PIWIL3: variants seen among roughly 807,000 people sequenced by gnomAD.
PIWIL3 encodes the protein piwi-like protein 3.
In PIWIL3, 101 loss-of-function variants were observed where a neutral mutation model predicts 109.7. The observed-to-expected ratio is 0.92, with a 90% CI of 0.78 to 1.09. PIWIL3 has a LOEUF of 1.09. Among genes scored for constraint, PIWIL3 ranks in the 50% least tolerant of loss-of-function variants. The probability of loss-of-function intolerance (pLI) is 0.00; values close to 1 mark genes in which losing one functional copy is unlikely to be tolerated. For synonymous variants in PIWIL3, 373 were observed against 376.4 expected, an observed-to-expected ratio of 0.99 and a Z score of 0.10; for missense variants, 1,031 against 1,072.6, an observed-to-expected ratio of 0.96 and a Z score of 0.54.
At chr22:24,736,927 C>T (rs1255120342) in intron 12 of PIWIL3, among the ~76,000 whole-genome samples, 3 of 152,202 alleles carry the variant, frequency 2.0e-5, no homozygotes, top group Admixed American at 6.5e-5. Flanking sequence ...GGTCAGAGCT[C>T]GAGTTCTGGA....
intron 3 of PIWIL3, among the ~76,000 whole-genome samples, chr22:24,759,327 C>T (rs1462252084): frequency 2.0e-5 from 3 of 152,128 alleles, no homozygotes; most frequent in Non-Finnish European, 2.9e-5. Context: ...ATCTATAATA[C>T]AATTCTTTTT....
chr22:24,756,218 G>A (rs537330806), intron 5 of PIWIL3, among the ~76,000 whole-genome samples: 1 of 146,910 alleles, frequency 6.8e-6, no homozygotes, highest in African/African-American at 2.5e-5. Flanking sequence ...AGTTTCAAAG[G>A]AAACAAATAG....
At position 24,723,370 on chromosome 22, in the gene PIWIL3, C is replaced by T. The variant is rs74457851; in HGVS notation, c.2232-115G>A. The stretch of plus-strand genomic sequence containing the variant: ...ACCCATTAAGAAGAACAGACAGCAG[C>T]CCTCCTTACACCCTAATTTTACTGT... On this transcript the variant is annotated intron_variant, in intron 18 of 20. Coordinates refer to ENST00000616349, the MANE Select transcript of PIWIL3 (RefSeq NM_001255975.1). 1,503 of 1,061,946 alleles carry T rather than the reference C, an allele frequency of 1.4e-3. 11 individuals carry two copies. The African/African-American group carries it at 0.018, about 13-fold the overall frequency. The allele number at this position is 1,061,946 out of a possible 1,614,324, so 65.8% of individuals were successfully genotyped here.
At chr22:24,758,855 A>T (rs147741155) in intron 3 of PIWIL3, among the ~76,000 whole-genome samples, 67 of 152,348 alleles carry the variant, frequency 4.4e-4, no homozygotes, top group African/African-American at 1.6e-3. Context: ...AGCAAAAGAA[A>T]ACAGGTATCC....
Position 24,729,002 on chromosome 22 carries a change from C to T in PIWIL3, c.1708-628G>A, listed in dbSNP as rs79679367. 1.5e-3 allele frequency among the ~76,000 whole-genome samples: 227 copies of T among 152,214 alleles called. 5 individuals carry two copies. In the South Asian group the frequency reaches 0.03, roughly 20 times the overall value. Reference sequence around the variant, plus strand: ...CAGCTGCACAGATAAGGGAGCAAGGCCTAACGCAGAAATGCTTTTGTTCTT... The same window carrying T: ...CAGCTGCACAGATAAGGGAGCAAGGTCTAACGCAGAAATGCTTTTGTTCTT... On this transcript the variant is annotated intron_variant, in intron 14 of 20. Transcript: ENST00000616349.
At chr22:24,722,276 G>A (rs1922718953) in intron 19 of PIWIL3, among the ~76,000 whole-genome samples, 1 of 152,060 alleles carries the variant, frequency 6.6e-6, no homozygotes, top group South Asian at 2.1e-4. Context: ...TGGAGACGAG[G>A]TTTCACTGTG....
intron 9 of PIWIL3, among the ~76,000 whole-genome samples, chr22:24,751,110 C>T (rs1318644639): frequency 6.7e-6 from 1 of 150,124 alleles, no homozygotes; most frequent in Non-Finnish European, 1.5e-5. Context: ...GGAGACGGAA[C>T]GAGACTCCAA....
At chr22:24,773,186 G>A (rs1926222838) in intron 1 of PIWIL3, among the ~76,000 whole-genome samples, 1 of 152,090 alleles carries the variant, frequency 6.6e-6, no homozygotes, top group African/African-American at 2.4e-5. Context: ...GGATCCTAGG[G>A]TTTCTGGCTC....
At position 24,761,370 on chromosome 22, in the gene PIWIL3, C is replaced by A. The variant is rs146284112; in HGVS notation, c.102+1028G>T. ...TGAAGGAGGTAACCTAAACGCCAAG[C>A]GGAGGGAGTTGACAGGAGAAAAGAG... On this transcript the variant is annotated intron_variant, in intron 2 of 20. Transcript: ENST00000616349. Among the ~76,000 whole-genome samples, 58 of 152,104 alleles carry A rather than the reference C, an allele frequency of 3.8e-4. No homozygotes were observed. In the East Asian group the frequency reaches 0.011, roughly 29 times the overall value.
rs1420758390 is a variant in PIWIL3 at position 24,735,727 on chromosome 22, T to C, written c.1615A>G (p.Thr539Ala). 6.2e-7 allele frequency: 1 copy of C among 1,600,882 alleles called. No homozygotes were observed. Among genetic ancestry groups the C allele is most frequent in the African/African-American group, 1.3e-5 (1 of 74,274 alleles). The change falls in exon 13 of 21, where the codon ACT becomes GCT. Residue 539 changes from threonine to alanine, a missense_variant. By Grantham distance (58) the Thr-to-Ala change is moderately conservative (BLOSUM62 0). Transcript: ENST00000616349. ...LQSVTAPMGI[T>A]MKPAEMIEVD... ...ACTTACATTTCTGCTGGTTTCATAG[T>C]TATGCCCATGGGGGCTGTGACACTC...
rs773440930 is a variant in PIWIL3, at chr22:24,724,954, G to A, written c.2164C>T (p.Leu722Phe). The A allele has an allele frequency of 6.2e-7, 1 of 1,614,154 alleles. No individual in the cohort carries two copies. Among genetic ancestry groups the A allele is most frequent in the South Asian group, 1.1e-5 (1 of 91,086 alleles). Residue 722 changes from leucine (L) to phenylalanine (F), a missense_variant, in exon 18 of 21, where the codon CTT becomes TTT. Physicochemically the swap from Leu to Phe is conservative, Grantham distance 22 (BLOSUM62 0). Transcript: ENST00000616349. The part of the protein sequence containing the change: ...VYRDGVGDGQ[L>F]QALLDHEAKK... ...GCTTCATGGTCAAGCAATGCTTGAAGCTGACCATCTCCCACTCCATCCCGA... is the reference window on the plus strand; with the variant it reads ...GCTTCATGGTCAAGCAATGCTTGAAACTGACCATCTCCCACTCCATCCCGA...
chr22:24,720,063 TC>T lies in PIWIL3; in HGVS notation c.2358-169del, dbSNP rs149655408. 1.8e-3 allele frequency among the ~76,000 whole-genome samples: 277 copies of T among 152,262 alleles called. 2 individuals are homozygous for T. Among genetic ancestry groups the T allele is most frequent in the African/African-American group, 6.4e-3 (265 of 41,554 alleles). On this transcript the variant is annotated intron_variant, in intron 19 of 20. Transcript: ENST00000616349. ...AACTGATAAACAACGATTTGAGAAA[TC>T]AAGTCTATAGAAGGCAATTAAATCA...
At chr22:24,740,216 C>A (rs1923912476) in intron 12 of PIWIL3, among the ~76,000 whole-genome samples, 2 of 21,256 alleles carry the variant, frequency 9.4e-5, no homozygotes, top group African/African-American at 1.4e-4. Flanking sequence ...GGGAGACTGT[C>A]TCAAAAAAAA....
intron 1 of PIWIL3, among the ~76,000 whole-genome samples, chr22:24,769,139 GTA>G (rs1397629127): frequency 2.0e-5 from 3 of 152,140 alleles, no homozygotes; most frequent in African/African-American, 7.2e-5. Context: ...TGTTGTATTT[GTA>G]TACATCCTAT....
chr22:24,731,270 G>A (rs935218066), intron 14 of PIWIL3, among the ~76,000 whole-genome samples: 32 of 152,178 alleles, frequency 2.1e-4, no homozygotes, highest in African/African-American at 7.2e-4. Context: ...GGTAATCACC[G>A]TAGCACCTAG....
chr22:24,757,496 T>C (rs9624585), intron 4 of PIWIL3, among the ~76,000 whole-genome samples: 29,019 of 151,716 alleles, frequency 0.19, 3,083 homozygotes, highest in Admixed American at 0.31. Context: ...TATCGAAAGT[T>C]TAAAATGGGC....
intron 6 of PIWIL3, among the ~76,000 whole-genome samples, chr22:24,755,366 A>T (rs999303142): frequency 6.6e-6 from 1 of 151,412 alleles, no homozygotes; most frequent in African/African-American, 2.4e-5. Context: ...CAAATGATCC[A>T]CCCGCCTCAG....
chr22:24,756,216 A>G (rs917013783), intron 5 of PIWIL3, among the ~76,000 whole-genome samples: 2 of 149,494 alleles, frequency 1.3e-5, no homozygotes, highest in Non-Finnish European at 3.0e-5. Context: ...GAAGTTTCAA[A>G]GGAAACAAAT....
At chr22:24,719,616 T>A in intron 20 of PIWIL3, 28 bp from the exon 21 acceptor site, 2 of 1,556,954 alleles carry the variant, frequency 1.3e-6, no homozygotes, top group Non-Finnish European at 1.7e-6. Context: ...AATACACAAC[T>A]AAATTTTTTT....
Sources: gnomAD v4.1 joint callset for allele counts (sites outside exome capture counted in the v4.1 genomes callset) on GRCh38, gnomAD v4.1.1 for gene constraint, MANE v1.5 for transcripts, NCBI Gene and HGNC (gene_info 2026-07-23, HGNC 2026-07-21) for gene names.